Variants in DMD observed in about 807,000 individuals in gnomAD.
DMD encodes the protein dystrophin, also known as mutant dystrophin.
A neutral mutation model predicts 330.1 loss-of-function variants in DMD; 63 were observed. The ratio of observed to expected loss-of-function variants is 0.19; its 90% CI spans 0.16 to 0.24. The LOEUF (loss-of-function observed/expected upper bound fraction) is 0.24. Ranked by LOEUF, DMD falls within the 10% of genes least tolerant of loss-of-function variation. The probability of loss-of-function intolerance (pLI) is 1.00; values close to 1 mark genes in which losing one functional copy is unlikely to be tolerated. For missense variants in DMD, 3,344 were observed against 2,684.1 expected, an observed-to-expected ratio of 1.25 and a Z score of -5.43; for synonymous variants, 1,223 against 959.8, an observed-to-expected ratio of 1.27 and a Z score of -5.07.
chrX:32,510,200 T>G (rs2045137225), intron 18 of DMD, among the ~76,000 whole-genome samples: 1 of 111,948 alleles, frequency 8.9e-6, no homozygotes, highest in Non-Finnish European at 1.9e-5. Flanking sequence ...TCTGAATTCT[T>G]CTGCTGCTAA....
chrX:32,686,200 G>A (rs1224750006), intron 9 of DMD, among the ~76,000 whole-genome samples: 3 of 111,435 alleles, frequency 2.7e-5, no homozygotes, highest in Non-Finnish European at 5.7e-5. Context: ...GATATGTGCT[G>A]CCAGAATTCT....
chrX:33,073,309 C>T (rs990498339), intron 1 of DMD, among the ~76,000 whole-genome samples: 11 of 111,652 alleles, frequency 9.9e-5, no homozygotes, highest in Admixed American at 9.5e-4. Flanking sequence ...ATATTGCCTG[C>T]TATATATCAC....
chrX:31,583,133 T>C (rs1256007006), intron 55 of DMD, among the ~76,000 whole-genome samples: 1 of 112,349 alleles, frequency 8.9e-6, no homozygotes, highest in Non-Finnish European at 1.9e-5. Context: ...TATCAGCAGG[T>C]ACCAGTCCTG....
At chrX:31,264,193 A>G (rs895268528) in intron 62 of DMD, among the ~76,000 whole-genome samples, 5 of 112,252 alleles carry the variant, frequency 4.5e-5, no homozygotes, top group African/African-American at 1.6e-4. Flanking sequence ...GAGAATTCTC[A>G]GTAACTCCAT....
intron 25 of DMD, among the ~76,000 whole-genome samples, chrX:32,456,598 GT>G (rs2098359468): frequency 9.7e-6 from 1 of 103,356 alleles, no homozygotes; most frequent in East Asian, 3.2e-4. Context: ...GTGTGTGTGT[GT>G]GTGTGTGTGT....
intron 51 of DMD, among the ~76,000 whole-genome samples, chrX:31,768,447 T>C (rs1052429644): frequency 7.3e-5 from 8 of 109,352 alleles, no homozygotes; most frequent in Non-Finnish European, 1.3e-4. Flanking sequence ...TCTCTCTCCT[T>C]CCCCTTTTTC....
At chrX:32,238,071 T>G (rs1158177033) in intron 43 of DMD, among the ~76,000 whole-genome samples, 1 of 111,552 alleles carries the variant, frequency 9.0e-6, no homozygotes, top group East Asian at 2.8e-4. Flanking sequence ...TTTAGGGGAG[T>G]ACATAAGGCT....
At chrX:32,163,248 G>A (rs911290595) in intron 44 of DMD, among the ~76,000 whole-genome samples, 1 of 111,564 alleles carries the variant, frequency 9.0e-6, no homozygotes, top group African/African-American at 3.3e-5. Context: ...CAGAATCCAT[G>A]TACCTCTCAT....
intron 60 of DMD, among the ~76,000 whole-genome samples, chrX:31,388,678 G>A (rs1423308211): frequency 8.9e-6 from 1 of 111,853 alleles, no homozygotes; most frequent in African/African-American, 3.2e-5. Context: ...AAGGTGGGCG[G>A]ATCACCTGAG....
At chrX:31,928,005 G>C (rs756685771) in intron 47 of DMD, among the ~76,000 whole-genome samples, 9 of 111,722 alleles carry the variant, frequency 8.1e-5, no homozygotes, top group Non-Finnish European at 1.5e-4. Flanking sequence ...AAAGTGGAAG[G>C]TTTACACAAC....
intron 4 of DMD, among the ~76,000 whole-genome samples, chrX:32,838,393 C>A (rs778225496): frequency 9.0e-6 from 1 of 110,789 alleles, no homozygotes. Flanking sequence ...CTATCCCTCC[C>A]CTAGCCCCCC....
intron 9 of DMD, among the ~76,000 whole-genome samples, chrX:32,684,630 C>G (rs2062714429): frequency 9.0e-6 from 1 of 111,386 alleles, no homozygotes; most frequent in Non-Finnish European, 1.9e-5. Context: ...GCAAAATTAT[C>G]AGTATTATCA....
At chrX:32,285,857 G>T (rs1357598989) in intron 43 of DMD, among the ~76,000 whole-genome samples, 6 of 110,297 alleles carry the variant, frequency 5.4e-5, no homozygotes, top group Non-Finnish European at 9.5e-5. Context: ...ATGCCACCAC[G>T]CACAGGTCAT....
chrX:31,133,769 C>A, intron 77 of DMD, among the ~76,000 whole-genome samples: 1 of 111,787 alleles, frequency 8.9e-6, no homozygotes, highest in Non-Finnish European at 1.9e-5. Context: ...GCATTAATTT[C>A]CTCATCTGTA....
At chrX:32,607,398 A>G (rs1422300854) in intron 12 of DMD, among the ~76,000 whole-genome samples, 2 of 109,866 alleles carry the variant, frequency 1.8e-5, no homozygotes, top group African/African-American at 3.3e-5. Flanking sequence ...AAAACTGTAG[A>G]CCATTATGTA....
At chrX:33,006,343 A>G (rs774478875) in intron 2 of DMD, among the ~76,000 whole-genome samples, 1 of 112,072 alleles carries the variant, frequency 8.9e-6, no homozygotes, top group Non-Finnish European at 1.9e-5. Flanking sequence ...TGACTACAAG[A>G]CTTACTATGA....
chrX:32,591,650 G>A (rs1216310306), intron 13 of DMD, among the ~76,000 whole-genome samples: 5 of 112,385 alleles, frequency 4.4e-5, no homozygotes, highest in Non-Finnish European at 9.4e-5. Context: ...TGCAGCAAGG[G>A]AGGCGTGGCC....
chrX:32,253,937 A>C (rs1284737057), intron 43 of DMD, among the ~76,000 whole-genome samples: 1 of 110,348 alleles, frequency 9.1e-6, no homozygotes, highest in Non-Finnish European at 1.9e-5. Context: ...ATTTTGTCTT[A>C]CACAATTTTC....
rs1163704282 is a variant in DMD at position 32,094,628 on chromosome X, G to A, written c.6438+122288C>T. Among the ~76,000 whole-genome samples, 7 of 111,784 alleles carry A rather than the reference G, an allele frequency of 6.3e-5. No individual in the cohort carries two copies. In the East Asian group the frequency reaches 2.0e-3, roughly 31 times the overall value. On this transcript the variant is annotated intron_variant, in intron 44 of 78. Coordinates refer to ENST00000357033, the MANE Select transcript of DMD (RefSeq NM_004006.3). The stretch of plus-strand genomic sequence containing the variant: ...ATCTCCAGTGTAGGACCTCCTTATA[G>A]AAAAACATTCTATCACTTTGCATAG...
Sources: allele counts gnomAD v4.1 joint callset (sites outside exome capture counted in the v4.1 genomes callset), GRCh38; gene constraint gnomAD v4.1.1; transcripts MANE v1.5; gene names NCBI Gene and HGNC (gene_info 2026-07-23, HGNC 2026-07-21).